The following DIAPH2 variants were observed in gnomAD, a reference collection of about 807,000 sequenced individuals.
DIAPH2 encodes the protein protein diaphanous homolog 2.
A neutral mutation model predicts 92.7 loss-of-function variants in DIAPH2; 35 were observed. The ratio of observed to expected loss-of-function variants is 0.38; its 90% CI spans 0.29 to 0.50. The LOEUF (loss-of-function observed/expected upper bound fraction) is 0.50. DIAPH2 is among the 20% of genes least tolerant of loss of function. DIAPH2 has a pLI of 0.94. For synonymous variants in DIAPH2, 301 were observed against 280.4 expected, an observed-to-expected ratio of 1.07 and a Z score of -0.73; for missense variants, 701 against 819.5, an observed-to-expected ratio of 0.86 and a Z score of 1.77.
intron 4 of DIAPH2, among the ~76,000 whole-genome samples, chrX:96,808,416 G>C (rs1442134725): frequency 1.8e-5 from 2 of 111,516 alleles, no homozygotes; most frequent in Non-Finnish European, 3.8e-5. Context: ...TAAAATTTTT[G>C]TGCATTCTTT....
At chrX:97,583,245 G>A (rs143448976) in intron 26 of DIAPH2, among the ~76,000 whole-genome samples, 41,020 of 105,180 alleles carry the variant, frequency 0.39, 6,483 homozygotes, top group South Asian at 0.58. Context: ...AGGAGGAGAG[G>A]CGCTCTGATT....
intron 23 of DIAPH2, among the ~76,000 whole-genome samples, chrX:97,310,499 A>C (rs1054990297): frequency 3.6e-5 from 4 of 111,964 alleles, no homozygotes; most frequent in Non-Finnish European, 7.5e-5. Context: ...ATAAGGATCT[A>C]AAGAAAGTTA....
At chrX:96,780,892 C>T (rs1170167124) in intron 4 of DIAPH2, among the ~76,000 whole-genome samples, 1 of 109,164 alleles carries the variant, frequency 9.2e-6, no homozygotes, top group African/African-American at 3.3e-5. Context: ...CTGCAACCTC[C>T]GCCTCCTGGG....
chrX:97,406,413 G>A (rs1245322697), intron 25 of DIAPH2, among the ~76,000 whole-genome samples: 2 of 109,629 alleles, frequency 1.8e-5, no homozygotes, highest in Non-Finnish European at 1.9e-5. Flanking sequence ...CTCTAAATAT[G>A]CTTTTCCTTC....
At chrX:96,925,165 C>G (rs965846960) in intron 9 of DIAPH2, among the ~76,000 whole-genome samples, 2 of 110,386 alleles carry the variant, frequency 1.8e-5, no homozygotes, top group Non-Finnish European at 3.8e-5. Flanking sequence ...TCTCTTCCTC[C>G]CAACTCACAG....
intron 22 of DIAPH2, among the ~76,000 whole-genome samples, chrX:97,159,076 T>A (rs1220692458): frequency 8.9e-6 from 1 of 112,371 alleles, no homozygotes; most frequent in African/African-American, 3.2e-5. Flanking sequence ...TGGCTTTTAC[T>A]TTTTATGTGA....
At chrX:96,964,225 C>T (rs140852938) in intron 16 of DIAPH2, among the ~76,000 whole-genome samples, 4,475 of 111,111 alleles carry the variant, frequency 0.04, 105 homozygotes, top group Middle Eastern at 0.084. Flanking sequence ...ATTTTTCAAT[C>T]TTATGCATAT....
intron 23 of DIAPH2, among the ~76,000 whole-genome samples, chrX:97,277,531 G>A (rs897782114): frequency 3.6e-5 from 4 of 110,832 alleles, no homozygotes; most frequent in African/African-American, 1.3e-4. Flanking sequence ...GGCAGAAACT[G>A]GAACAGGGTC....
intron 4 of DIAPH2, among the ~76,000 whole-genome samples, chrX:96,830,570 C>CAAAA (rs776270215): frequency 8.2e-4 from 11 of 13,448 alleles, no homozygotes; most frequent in East Asian, 3.5e-3. Flanking sequence ...GACTCAGTCT[C>CAAAA]AAAAAAAAAA....
At chrX:96,804,130 T>G (rs571693578) in intron 4 of DIAPH2, among the ~76,000 whole-genome samples, 1 of 111,870 alleles carries the variant, frequency 8.9e-6, no homozygotes, top group African/African-American at 3.2e-5. Flanking sequence ...TTTCCTGAGT[T>G]TTTGTTCAAG....
intron 26 of DIAPH2, among the ~76,000 whole-genome samples, chrX:97,541,105 A>G (rs2071137065): frequency 9.0e-6 from 1 of 111,712 alleles, no homozygotes; most frequent in Non-Finnish European, 1.9e-5. Context: ...TGCCTCATGG[A>G]TAACCTAACT....
At chrX:97,001,301 A>T (rs775039614) in intron 17 of DIAPH2, among the ~76,000 whole-genome samples, 121 of 112,123 alleles carry the variant, frequency 1.1e-3, no homozygotes, top group African/African-American at 3.7e-3. Context: ...AACTTACATA[A>T]TACAAAACTG....
chrX:97,386,451 C>T (rs191869861), intron 25 of DIAPH2, among the ~76,000 whole-genome samples: 62 of 111,528 alleles, frequency 5.6e-4, no homozygotes, highest in South Asian at 2.3e-3. Context: ...GGGTGGATCA[C>T]GAGGTCAAGA....
intron 24 of DIAPH2, among the ~76,000 whole-genome samples, chrX:97,356,985 C>CA (rs769445124): frequency 3.6e-4 from 40 of 111,559 alleles, no homozygotes; most frequent in Non-Finnish European, 6.2e-4. Context: ...TTAACAAAAT[C>CA]AGTTCAATGC....
chrX:97,100,785 T>C (rs193230839), intron 20 of DIAPH2, among the ~76,000 whole-genome samples: 65 of 112,158 alleles, frequency 5.8e-4, no homozygotes, highest in African/African-American at 2.1e-3. Flanking sequence ...TTTGATACCT[T>C]GCAGTTTAAA....
At chrX:97,010,789 C>T (rs2066220101) in intron 17 of DIAPH2, among the ~76,000 whole-genome samples, 1 of 111,559 alleles carries the variant, frequency 9.0e-6, no homozygotes, top group Non-Finnish European at 1.9e-5. Context: ...TAGATCTTTC[C>T]CATTGTACTT....
intron 4 of DIAPH2, among the ~76,000 whole-genome samples, chrX:96,825,446 G>GT (rs1301638343): frequency 2.9e-5 from 3 of 104,726 alleles, no homozygotes; most frequent in Non-Finnish European, 3.9e-5. Context: ...TTTTAAGTAG[G>GT]TTTTTTTATT....
intron 6 of DIAPH2, 38 bp from the exon 7 acceptor site, chrX:96,912,445 T>A: frequency 3.3e-6 from 4 of 1,200,555 alleles, no homozygotes; most frequent in Non-Finnish European, 4.5e-6. Context: ...AGGGAAAATG[T>A]TTCAGCACAA....
At chrX:97,490,559 C>G (rs1458550167) in intron 26 of DIAPH2, among the ~76,000 whole-genome samples, 1 of 108,259 alleles carries the variant, frequency 9.2e-6, no homozygotes, top group Non-Finnish European at 1.9e-5. Context: ...AAATATCCCT[C>G]TTAGAATTGC....
Sources: gnomAD v4.1 joint callset for allele counts (sites outside exome capture counted in the v4.1 genomes callset) on GRCh38, gnomAD v4.1.1 for gene constraint, MANE v1.5 for transcripts, NCBI Gene and HGNC (gene_info 2026-07-23, HGNC 2026-07-21) for gene names.